NPHP1: variants seen among roughly 807,000 people sequenced by gnomAD.
NPHP1 encodes nephrocystin 1.
In NPHP1, 70 loss-of-function variants were observed where a neutral mutation model predicts 90.4. The observed-to-expected ratio is 0.77, with a 90% CI of 0.64 to 0.95. The LOEUF (loss-of-function observed/expected upper bound fraction) is 0.95. Ranked by LOEUF, NPHP1 falls within the 40% of genes least tolerant of loss-of-function variation. The probability of loss-of-function intolerance (pLI) is 0.00; values close to 1 mark genes in which losing one functional copy is unlikely to be tolerated. For synonymous variants in NPHP1, 256 were observed against 271.7 expected (o/e 0.94, Z 0.57); for missense variants, 764 against 795.9 (o/e 0.96, Z 0.48).
At chr2:110,161,251 T>G (rs1344064582) in intron 10 of NPHP1, among the ~76,000 whole-genome samples, 1 of 152,176 alleles carries the variant, frequency 6.6e-6, no homozygotes, top group Non-Finnish European at 1.5e-5. Flanking sequence ...CCAGGCATTA[T>G]TCAAAACCCT....
At chr2:110,131,323 T>C (rs564197281) in intron 17 of NPHP1, among the ~76,000 whole-genome samples, 2 of 152,290 alleles carry the variant, frequency 1.3e-5, no homozygotes, top group African/African-American at 4.8e-5. Flanking sequence ...GCTATTTTGG[T>C]TGATTTTGGT....
intron 16 of NPHP1, among the ~76,000 whole-genome samples, chr2:110,132,559 C>G (rs773956915): frequency 2.0e-5 from 3 of 152,092 alleles, no homozygotes; most frequent in Non-Finnish European, 4.4e-5. Context: ...GAGGCCAAGG[C>G]AGAAGAATCC....
intron 4 of NPHP1, among the ~76,000 whole-genome samples, chr2:110,174,662 A>G (rs1315731389): frequency 6.6e-6 from 1 of 152,064 alleles, no homozygotes. Flanking sequence ...TCATTTGTGG[A>G]CATACACAAA....
intron 4 of NPHP1, among the ~76,000 whole-genome samples, chr2:110,176,562 G>A (rs1683525375): frequency 1.3e-5 from 2 of 151,940 alleles, no homozygotes; most frequent in South Asian, 4.2e-4. Context: ...ACAGACTTTG[G>A]ATTATGTTAT....
intron 16 of NPHP1, among the ~76,000 whole-genome samples, chr2:110,138,650 C>T (rs543654386): frequency 3.3e-5 from 5 of 152,164 alleles, no homozygotes; most frequent in Admixed American, 2.0e-4. Flanking sequence ...AGGGGCAGAA[C>T]GACCTGAGCA....
At chr2:110,185,079 A>T (rs2018711) in intron 2 of NPHP1, 1 of 585,358 alleles carries the variant, frequency 1.7e-6, no homozygotes, top group African/African-American at 1.9e-5. Context: ...ACGTGGATTG[A>T]GGGCTCTATC....
At chr2:110,143,761 G>A in intron 15 of NPHP1, 120 bp from the exon 16 acceptor site, 1 of 741,740 alleles carries the variant, frequency 1.3e-6, no homozygotes, top group Non-Finnish European at 2.4e-6. Flanking sequence ...TGAAAGGCAA[G>A]AGTCATCCAT....
At chr2:110,136,862 C>G (rs1483760755) in intron 16 of NPHP1, among the ~76,000 whole-genome samples, 1 of 152,128 alleles carries the variant, frequency 6.6e-6, no homozygotes, top group Non-Finnish European at 1.5e-5. Context: ...GCCCGCATTG[C>G]CAAGTCAATC....
At chr2:110,168,579 T>C in intron 5 of NPHP1, 26 bp from the exon 6 acceptor site, 2 of 1,454,174 alleles carry the variant, frequency 1.4e-6, no homozygotes, top group Non-Finnish European at 1.9e-6. Context: ...AGTAAACCAT[T>C]TTAAATAAAA....
chr2:110,133,603 T>C (rs1452552230), intron 16 of NPHP1, among the ~76,000 whole-genome samples: 1 of 152,092 alleles, frequency 6.6e-6, no homozygotes, highest in African/African-American at 2.4e-5. Flanking sequence ...GCACATGACA[T>C]ATTCTCCAGG....
In NPHP1 at chr2:110,201,782, A is replaced by G. The variant is rs750566255; in HGVS notation, c.70-288T>C. Among the ~76,000 whole-genome samples the G allele has an allele frequency of 3.3e-5, 5 of 152,302 alleles. No homozygotes were observed. In the South Asian group the frequency reaches 1.0e-3, roughly 32 times the overall value. ...TATGGATGTCACTAACTAAAGTTCA[A>G]TAGTTGATGTAAAATATGTATATAG... On this transcript the variant is annotated intron_variant, in intron 1 of 19. Coordinates refer to ENST00000445609, the MANE Select transcript of NPHP1 (RefSeq NM_001128178.3).
chr2:110,144,658 T>C lies in NPHP1; in HGVS notation c.1353-89A>G. On this transcript the variant is annotated intron_variant, in intron 14 of 19. Coordinates refer to ENST00000445609, the MANE Select transcript of NPHP1 (RefSeq NM_001128178.3). The stretch of plus-strand genomic sequence containing the variant: ...GTAGTTAAATATTTTTTAGCACTAA[T>C]ATACTCAGACATTTCATTTATGCCT... The C allele has an allele frequency of 3.8e-6, 3 of 780,516 alleles. No homozygotes were observed. The East Asian group carries it at 7.8e-5, about 20-fold the overall frequency. 48.3% of individuals were successfully genotyped at this position (780,516 alleles called of 1,614,324 possible). A position where few individuals can be genotyped will look rare whatever the true frequency, so the allele number is the denominator to read the frequency against.
intron 4 of NPHP1, 61 bp downstream of exon 4, chr2:110,178,362 A>T: frequency 1.3e-6 from 2 of 1,498,700 alleles, no homozygotes; most frequent in Non-Finnish European, 1.9e-6. Flanking sequence ...TGAGTTAAAC[A>T]TTAAAGCTAT....
intron 16 of NPHP1, among the ~76,000 whole-genome samples, chr2:110,136,589 T>A (rs1158269115): frequency 1.2e-4 from 18 of 151,910 alleles, no homozygotes; most frequent in Non-Finnish European, 1.9e-4. Context: ...ACAAAGAGAA[T>A]AAAATACCTA....
At chr2:110,150,048 T>C (rs1035345563) in intron 12 of NPHP1, 134 bp downstream of exon 12, 2 of 774,084 alleles carry the variant, frequency 2.6e-6, no homozygotes, top group African/African-American at 1.7e-5. Context: ...GAGTAATTTT[T>C]ATCAATGTCC....
chr2:110,190,750 A>G (rs1382224584), intron 2 of NPHP1, among the ~76,000 whole-genome samples: 1 of 152,174 alleles, frequency 6.6e-6, no homozygotes, highest in Non-Finnish European at 1.5e-5. Context: ...GCATGCTGTC[A>G]CCTCTCACTA....
chr2:110,144,476 A>G lies in NPHP1; in HGVS notation c.1429+17T>C, dbSNP rs1680869657. ...TTTAATCTTTAAGGAAAGGAAGACA[A>G]CACATGAGAGCCATACCTCTTCTGG... On this transcript the variant is annotated intron_variant, in intron 15 of 19. Coordinates refer to ENST00000445609, the MANE Select transcript of NPHP1 (RefSeq NM_001128178.3). 6.5e-7 allele frequency: 1 copy of G among 1,530,306 alleles called. No homozygotes were observed. The highest frequency in any genetic ancestry group is 1.4e-5 in the African/African-American group (1 of 73,314). The allele number at this position is 1,530,306 out of a possible 1,614,324, so 94.8% of individuals were successfully genotyped here.
intron 13 of NPHP1, among the ~76,000 whole-genome samples, chr2:110,147,501 T>A (rs192874515): frequency 6.6e-6 from 1 of 152,158 alleles, no homozygotes; most frequent in Non-Finnish European, 1.5e-5. Flanking sequence ...GTAGTTTATA[T>A]GACATAAGTT....
chr2:110,126,281 C>A (rs1228287150), intron 18 of NPHP1: 3 of 159,312 alleles, frequency 1.9e-5, no homozygotes, highest in Non-Finnish European at 4.1e-5. Flanking sequence ...TATGACCAGT[C>A]TCACGGCTGC....
Sources: allele counts gnomAD v4.1 joint callset (sites outside exome capture counted in the v4.1 genomes callset), GRCh38; gene constraint gnomAD v4.1.1; transcripts MANE v1.5; gene names NCBI Gene and HGNC (gene_info 2026-07-23, HGNC 2026-07-21).